Variants in RALYL observed in about 807,000 individuals in gnomAD.
RALYL encodes RNA-binding Raly-like protein.
A neutral mutation model predicts 35.1 loss-of-function variants in RALYL; 29 were observed. The observed-to-expected ratio is 0.83, with a 90% confidence interval of 0.61 to 1.13. The LOEUF (loss-of-function observed/expected upper bound fraction) is 1.13, where lower values mean the gene tolerates loss of function less well. RALYL is among the 50% of genes most tolerant of loss of function. The pLI, the probability that RALYL is intolerant of heterozygous loss-of-function variation, is 0.00. For missense variants in RALYL, 359 were observed against 360.4 expected (o/e 1.00, Z 0.03); for synonymous variants, 120 against 127.6 (o/e 0.94, Z 0.40).
At chr8:84,756,878 T>C (rs1175750846) in intron 2 of RALYL, among the ~76,000 whole-genome samples, 1 of 152,086 alleles carries the variant, frequency 6.6e-6, no homozygotes, top group Non-Finnish European at 1.5e-5. Flanking sequence ...AAACCACAAT[T>C]ACTCTTCTCA....
At chr8:84,414,945 T>C (rs759744924) in intron 1 of RALYL, among the ~76,000 whole-genome samples, 5 of 152,160 alleles carry the variant, frequency 3.3e-5, no homozygotes, top group Non-Finnish European at 5.9e-5. Context: ...GTCAGACTTC[T>C]ACCACTGGCA....
At chr8:84,555,379 A>G (rs758153156) in intron 2 of RALYL, among the ~76,000 whole-genome samples, 13 of 152,152 alleles carry the variant, frequency 8.5e-5, no homozygotes, top group Non-Finnish European at 1.5e-4. Context: ...TTTCCATGAC[A>G]ATATGGGAAA....
chr8:84,338,351 T>C (rs1012765012), intron 1 of RALYL, among the ~76,000 whole-genome samples: 14 of 151,522 alleles, frequency 9.2e-5, no homozygotes, highest in African/African-American at 3.4e-4. Flanking sequence ...ACTAGGGACA[T>C]GAAAGAACAT....
At chr8:84,713,200 T>C (rs1252718497) in intron 2 of RALYL, among the ~76,000 whole-genome samples, 3 of 152,046 alleles carry the variant, frequency 2.0e-5, no homozygotes, top group African/African-American at 4.8e-5. Context: ...ACACCATTTA[T>C]TGAAGAGACT....
At chr8:84,542,602 C>T (rs2060094252) in intron 2 of RALYL, among the ~76,000 whole-genome samples, 1 of 152,112 alleles carries the variant, frequency 6.6e-6, no homozygotes. Flanking sequence ...CATCTTGCTG[C>T]CACCATGTGA....
At chr8:84,806,114 T>G (rs1824539078) in intron 4 of RALYL, among the ~76,000 whole-genome samples, 1 of 152,150 alleles carries the variant, frequency 6.6e-6, no homozygotes, top group African/African-American at 2.4e-5. Flanking sequence ...CTTTCTACTC[T>G]TCATAAAAGC....
At chr8:84,805,044 G>A (rs1824262926) in intron 4 of RALYL, among the ~76,000 whole-genome samples, 1 of 152,066 alleles carries the variant, frequency 6.6e-6, no homozygotes, top group Non-Finnish European at 1.5e-5. Flanking sequence ...GGCTAAACAA[G>A]GTACACAGTG....
At chr8:84,864,354 G>A (rs1196586987) in intron 6 of RALYL, among the ~76,000 whole-genome samples, 2 of 152,140 alleles carry the variant, frequency 1.3e-5, no homozygotes, top group Non-Finnish European at 2.9e-5. Flanking sequence ...GTATCCTAGA[G>A]TATCTCTGTT....
chr8:84,560,177 A>C (rs1217699899), intron 2 of RALYL, among the ~76,000 whole-genome samples: 1 of 151,972 alleles, frequency 6.6e-6, no homozygotes, highest in Non-Finnish European at 1.5e-5. Flanking sequence ...GCCATTATTT[A>C]GATTATAAGG....
At chr8:84,194,512 G>T (rs1814742919) in intron 1 of RALYL, among the ~76,000 whole-genome samples, 1 of 152,114 alleles carries the variant, frequency 6.6e-6, no homozygotes, top group Non-Finnish European at 1.5e-5. Flanking sequence ...GCAACCCTTT[G>T]TAAGGAAGTC....
chr8:84,764,744 C>A (rs899962469), intron 2 of RALYL, among the ~76,000 whole-genome samples: 1 of 152,220 alleles, frequency 6.6e-6, no homozygotes, highest in Non-Finnish European at 1.5e-5. Context: ...AAAATGGTCA[C>A]AATTCAGTGA....
intron 1 of RALYL, among the ~76,000 whole-genome samples, chr8:84,228,169 A>C (rs1824426096): frequency 6.6e-6 from 1 of 152,000 alleles, no homozygotes; most frequent in African/African-American, 2.4e-5. Flanking sequence ...AAAAAAAAAA[A>C]AAAAAAATGT....
At chr8:84,839,327 C>T (rs955822672) in intron 4 of RALYL, among the ~76,000 whole-genome samples, 6 of 152,236 alleles carry the variant, frequency 3.9e-5, no homozygotes, top group African/African-American at 1.4e-4. Context: ...TTATATCCCG[C>T]ACCTGGCTCG....
chr8:84,669,609 C>A (rs1180976388), intron 2 of RALYL, among the ~76,000 whole-genome samples: 1 of 151,326 alleles, frequency 6.6e-6, no homozygotes, highest in Non-Finnish European at 1.5e-5. Context: ...TCTGTTCCTG[C>A]ATTAATTTGC....
At chr8:84,248,646 T>C (rs1304908310) in intron 1 of RALYL, among the ~76,000 whole-genome samples, 1 of 152,132 alleles carries the variant, frequency 6.6e-6, no homozygotes, top group Admixed American at 6.6e-5. Context: ...ACATTCTTCC[T>C]CTCACTCTTC....
chr8:84,615,600 T>TTTTG, intron 2 of RALYL, among the ~76,000 whole-genome samples: 1 of 128,884 alleles, frequency 7.8e-6, no homozygotes, highest in Non-Finnish European at 1.7e-5. Flanking sequence ...TTTTTTTTTT[T>TTTTG]ACTTATTATT....
chr8:84,333,902 T>C lies in RALYL; in HGVS notation c.-24+149478T>C, dbSNP rs576501616. On this transcript the variant is annotated intron_variant, in intron 1 of 8. Transcript: ENST00000521268. The stretch of plus-strand genomic sequence containing the variant: ...TATTTTAACTTGTTTTTTTCCCCCC[T>C]TGGGACACGGTCTCACTGTGTTGCC... 2.0e-5 allele frequency among the ~76,000 whole-genome samples: 3 copies of C among 152,238 alleles called. No individual in the cohort carries two copies. In the South Asian group the frequency reaches 6.2e-4, roughly 32 times the overall value.
intron 1 of RALYL, among the ~76,000 whole-genome samples, chr8:84,300,464 A>T (rs944217165): frequency 6.6e-6 from 1 of 151,964 alleles, no homozygotes; most frequent in Non-Finnish European, 1.5e-5. Context: ...CCATTTGGTC[A>T]AGTGTCAAGT....
At position 84,683,997 on chromosome 8, in the gene RALYL, G is replaced by A. The variant is rs560882914; in HGVS notation, c.257-90582G>A. ...GATTACAGGCGTTGAGCCATGCCTG[G>A]CTGTAGCTGGTATGTTTTTGATCAG... is the stretch of plus-strand genomic sequence containing the variant. On this transcript the variant is annotated intron_variant, in intron 2 of 8. Transcript: ENST00000521268. Among the ~76,000 whole-genome samples the A allele has an allele frequency of 3.3e-5, 5 of 152,216 alleles. No homozygotes were observed. The East Asian group carries it at 9.7e-4, about 29-fold the overall frequency.
Sources: gnomAD v4.1 joint callset for allele counts (sites outside exome capture counted in the v4.1 genomes callset) on GRCh38, gnomAD v4.1.1 for gene constraint, MANE v1.5 for transcripts, NCBI Gene and HGNC (gene_info 2026-07-23, HGNC 2026-07-21) for gene names.